C6orf58: variants seen among roughly 807,000 people sequenced by gnomAD.
The protein encoded by C6orf58 is chromosome 6 open reading frame 58.
In C6orf58, 30 loss-of-function variants were observed where a neutral mutation model predicts 37.0. The ratio of observed to expected loss-of-function variants is 0.81; its 90% confidence interval spans 0.61 to 1.10. The LOEUF (loss-of-function observed/expected upper bound fraction) is 1.10, where lower values mean the gene tolerates loss of function less well. Among genes scored for constraint, C6orf58 ranks in the 50% least tolerant of loss-of-function variants. C6orf58 has a pLI of 0.00. For missense variants in C6orf58, 368 were observed against 387.5 expected, an observed-to-expected ratio of 0.95 and a Z score of 0.42; for synonymous variants, 143 against 134.1, an observed-to-expected ratio of 1.07 and a Z score of -0.46.
intron 4 of C6orf58, among the ~76,000 whole-genome samples, chr6:127,589,655 A>G (rs968371340): frequency 7.9e-5 from 12 of 152,176 alleles, no homozygotes; most frequent in African/African-American, 2.9e-4. Flanking sequence ...TTATTTTTCT[A>G]GAAATCTCAA....
intron 4 of C6orf58, among the ~76,000 whole-genome samples, chr6:127,581,847 A>G (rs1341065876): frequency 1.3e-5 from 2 of 152,170 alleles, no homozygotes; most frequent in Non-Finnish European, 2.9e-5. Context: ...TTGTATAGGC[A>G]TGGTTTGATC....
At chr6:127,589,449 T>C (rs866187139) in intron 4 of C6orf58, among the ~76,000 whole-genome samples, 1 of 152,184 alleles carries the variant, frequency 6.6e-6, no homozygotes, top group Non-Finnish European at 1.5e-5. Flanking sequence ...TGAATATAAC[T>C]TTAATCTTTC....
intron 5 of C6orf58, 91 bp downstream of exon 5, chr6:127,590,416 A>G (rs1775150140): frequency 2.5e-6 from 2 of 790,496 alleles, no homozygotes; most frequent in Non-Finnish European, 4.1e-6. Context: ...TATAAACATT[A>G]CAGCACTCCA....
chr6:127,589,887 T>C (rs1050472536), intron 4 of C6orf58, among the ~76,000 whole-genome samples, 200 bp from the exon 5 acceptor site: 10 of 152,156 alleles, frequency 6.6e-5, no homozygotes, highest in Admixed American at 6.5e-5. Context: ...GAGATGATTC[T>C]TCCTAGATTT....
intron 4 of C6orf58, among the ~76,000 whole-genome samples, chr6:127,588,946 C>T (rs1406195343): frequency 6.6e-6 from 1 of 152,176 alleles, no homozygotes; most frequent in Non-Finnish European, 1.5e-5. Flanking sequence ...GACAATCCAA[C>T]TCTGCCCACC....
In C6orf58 at chr6:127,577,323, G is replaced by GAACA; in HGVS notation, c.139_142dup (p.Ser48LysfsTer7). On this transcript the variant is annotated frameshift_variant, in exon 1 of 6. Coordinates refer to ENST00000329722, the MANE Select transcript of C6orf58 (RefSeq NM_001010905.3). LOFTEE classifies it high-confidence loss of function. Reference sequence around the variant, plus strand: ...GTCAGCTCAGTGACTACAGGGTGGAGAACAGCATGTACATTATTAATCCCT... The same window carrying GAACA: ...GTCAGCTCAGTGACTACAGGGTGGAGAACAAACAGCATGTACATTATTAATCCCT... 1 of 1,613,580 alleles carries GAACA rather than the reference G, an allele frequency of 6.2e-7. No homozygotes were observed. Among genetic ancestry groups the GAACA allele is most frequent in the Non-Finnish European group, 8.5e-7 (1 of 1,179,594 alleles).
chr6:127,579,378 CT>C (rs1434694531), intron 2 of C6orf58, among the ~76,000 whole-genome samples: 2 of 152,054 alleles, frequency 1.3e-5, no homozygotes, highest in African/African-American at 4.8e-5. Context: ...TTAAATTTCA[CT>C]TTTTCAGGGC....
At position 127,590,074 on chromosome 6, in the gene C6orf58, G is replaced by A. The variant is rs374948798; in HGVS notation, c.675-13G>A. On this transcript the variant is annotated splice_polypyrimidine_tract_variant and intron_variant, in intron 4 of 5. Coordinates refer to ENST00000329722, the MANE Select transcript of C6orf58 (RefSeq NM_001010905.3). ...ACTAATTATAATTAAATACTTTTCC[G>A]TTTGTCTTTTAGATATGATTATTAT... 6.3e-5 allele frequency: 99 copies of A among 1,570,218 alleles called. No individual in the cohort carries two copies. Among genetic ancestry groups the A allele is most frequent in the Middle Eastern group, 1.7e-4 (1 of 5,958 alleles).
intron 4 of C6orf58, among the ~76,000 whole-genome samples, chr6:127,587,345 T>C (rs1004184219): frequency 6.6e-6 from 1 of 152,212 alleles, no homozygotes; most frequent in Non-Finnish European, 1.5e-5. Flanking sequence ...GATAAATTTA[T>C]ATATAGGTGC....
At chr6:127,591,443 G>A (rs943149011) in intron 5 of C6orf58, 100 bp from the exon 6 acceptor site, 1 of 1,050,526 alleles carries the variant, frequency 9.5e-7, no homozygotes, top group Non-Finnish European at 1.3e-6. Flanking sequence ...CATTAAATTA[G>A]TAGAAAGGAA....
chr6:127,580,309 G>C lies in C6orf58; in HGVS notation c.433G>C (p.Asp145His), dbSNP rs200579010. Residue 145 changes from aspartate (D) to histidine (H), a missense_variant, in exon 3 of 6, where the codon GAT becomes CAT. By Grantham distance (81) the Asp-to-His change is moderately conservative (BLOSUM62 -1). Coordinates refer to ENST00000329722, the MANE Select transcript of C6orf58 (RefSeq NM_001010905.3). ...TTCATTACCCTTTCTTGCTGCGGTT[G>C]ATTCTGGTGTAATGGGGATATCATC... The part of the protein sequence containing the change: ...LSSLPFLAAV[D>H]SGVMGISSDQ... 8 of 1,612,654 alleles carry C rather than the reference G, an allele frequency of 5.0e-6. No homozygotes were observed. The highest frequency in any genetic ancestry group is 6.8e-6 in the Non-Finnish European group (8 of 1,179,140).
intron 4 of C6orf58, among the ~76,000 whole-genome samples, chr6:127,586,179 A>G (rs1775104259): frequency 6.6e-6 from 1 of 152,140 alleles, no homozygotes; most frequent in Admixed American, 6.6e-5. Context: ...CTCATGGTAA[A>G]TTTGTCAGTG....
intron 5 of C6orf58, among the ~76,000 whole-genome samples, 175 bp downstream of exon 5, chr6:127,590,500 A>G (rs759671633): frequency 3.9e-5 from 6 of 152,130 alleles, no homozygotes; most frequent in Admixed American, 6.5e-5. Context: ...AGAACCATTT[A>G]ATGAGCACAC....
intron 5 of C6orf58, among the ~76,000 whole-genome samples, chr6:127,591,000 A>G (rs917513356): frequency 2.0e-5 from 3 of 152,170 alleles, no homozygotes; most frequent in Non-Finnish European, 4.4e-5. Flanking sequence ...AATTAAACCT[A>G]TGTTTAAAAA....
At chr6:127,580,070 G>T (rs547053483) in intron 2 of C6orf58, among the ~76,000 whole-genome samples, 195 bp from the exon 3 acceptor site, 138 of 152,040 alleles carry the variant, frequency 9.1e-4, no homozygotes, top group African/African-American at 3.2e-3. Context: ...TGACTATAAG[G>T]TTATTAACAG....
chr6:127,585,633 T>G (rs947906020), intron 4 of C6orf58, among the ~76,000 whole-genome samples: 1 of 152,218 alleles, frequency 6.6e-6, no homozygotes, highest in Non-Finnish European at 1.5e-5. Context: ...AGTGTCATAC[T>G]AAGAACAGAC....
chr6:127,578,874 C>A, intron 2 of C6orf58, 102 bp downstream of exon 2: 2 of 845,618 alleles, frequency 2.4e-6, no homozygotes, highest in East Asian at 2.5e-5. Context: ...TAATCCTGTT[C>A]CTATTTTAAA....
rs1184956236 is a variant in C6orf58, at chr6:127,591,731, A to ATTCT, written c.*114_*117dup. ...TAATGTCATCATGACCATGTAGTTT[A>ATTCT]TTCTTTCTGATATTTTTGATTTATG... is the stretch of plus-strand genomic sequence containing the variant. On this transcript the variant is annotated 3_prime_UTR_variant, in exon 6 of 6. Coordinates refer to ENST00000329722, the MANE Select transcript of C6orf58 (RefSeq NM_001010905.3). 420 of 977,088 alleles carry ATTCT rather than the reference A, an allele frequency of 4.3e-4. No individual in the cohort carries two copies. Among genetic ancestry groups the ATTCT allele is most frequent in the Non-Finnish European group, 5.6e-4 (411 of 739,398 alleles). The allele number at this position is 977,088 out of a possible 1,614,324, so 60.5% of individuals were successfully genotyped here. A position where few individuals can be genotyped will look rare whatever the true frequency, so the allele number is the denominator to read the frequency against.
chr6:127,591,643 A>G lies in C6orf58; in HGVS notation c.*21A>G. ...CCTGAAACATTTAACTTCAAACTTCAGGAAATGATTAATGAATTAAAAATG... is the reference window on the plus strand; with the variant it reads ...CCTGAAACATTTAACTTCAAACTTCGGGAAATGATTAATGAATTAAAAATG... On this transcript the variant is annotated 3_prime_UTR_variant, in exon 6 of 6. Transcript: ENST00000329722. 1.4e-6 allele frequency: 2 copies of G among 1,479,558 alleles called. No individual in the cohort carries two copies. The highest frequency in any genetic ancestry group is 1.5e-5 in the South Asian group (1 of 68,314). The allele number at this position is 1,479,558 out of a possible 1,614,324, so 91.7% of individuals were successfully genotyped here.
Sources: gnomAD v4.1 joint callset for allele counts (sites outside exome capture counted in the v4.1 genomes callset) on GRCh38, gnomAD v4.1.1 for gene constraint, MANE v1.5 for transcripts, NCBI Gene and HGNC (gene_info 2026-07-23, HGNC 2026-07-21) for gene names.